Variants in ESR1 observed in about 807,000 individuals in gnomAD.
ESR1 encodes the protein estrogen receptor 1, also known as estrogen receptor.
In ESR1, 12 loss-of-function variants were observed where a neutral mutation model predicts 52.7. The observed-to-expected ratio is 0.23, with a 90% CI of 0.15 to 0.37. ESR1 has a LOEUF of 0.37. ESR1 is among the 10% of genes least tolerant of loss of function. The probability of loss-of-function intolerance (pLI) is 1.00; values close to 1 mark genes in which losing one functional copy is unlikely to be tolerated. For missense variants in ESR1, 584 were observed against 779.7 expected (o/e 0.75, Z 2.99); for synonymous variants, 305 against 316.8 (o/e 0.96, Z 0.39).
chr6:152,054,751 C>T (rs2046966180), intron 5 of ESR1, among the ~76,000 whole-genome samples: 1 of 152,174 alleles, frequency 6.6e-6, no homozygotes, highest in Non-Finnish European at 1.5e-5. Flanking sequence ...TTCTCTTCTC[C>T]CACCTCTTGG....
intron 3 of ESR1, among the ~76,000 whole-genome samples, chr6:151,930,363 C>A (rs1216911496): frequency 1.3e-5 from 2 of 152,124 alleles, no homozygotes; most frequent in Non-Finnish European, 2.9e-5. Flanking sequence ...TCTAAATACA[C>A]CTTCAAATAA....
chr6:151,695,527 C>G (rs1289984625), intron 1 of ESR1, among the ~76,000 whole-genome samples: 1 of 152,184 alleles, frequency 6.6e-6, no homozygotes, highest in African/African-American at 2.4e-5. Flanking sequence ...CAGCTCAGCT[C>G]CCCTAAACAT....
intron 4 of ESR1, among the ~76,000 whole-genome samples, chr6:151,969,022 G>A (rs745875694): frequency 6.6e-6 from 1 of 152,086 alleles, no homozygotes; most frequent in Non-Finnish European, 1.5e-5. Context: ...TCAGTTTTGA[G>A]TGGAGGGCAG....
chr6:151,863,553 T>C (rs1453421417), intron 2 of ESR1, among the ~76,000 whole-genome samples: 3 of 152,198 alleles, frequency 2.0e-5, no homozygotes, highest in Non-Finnish European at 4.4e-5. Flanking sequence ...GCTGAGACGA[T>C]GGAGTTTTCT....
At chr6:151,883,885 C>T (rs984794435) in intron 3 of ESR1, among the ~76,000 whole-genome samples, 5 of 152,164 alleles carry the variant, frequency 3.3e-5, no homozygotes, top group Admixed American at 6.5e-5. Flanking sequence ...CTTACGAAGA[C>T]ACCAGTCATA....
intron 2 of ESR1, among the ~76,000 whole-genome samples, chr6:151,855,303 T>C (rs1203502968): frequency 6.6e-6 from 1 of 152,216 alleles, no homozygotes; most frequent in Non-Finnish European, 1.5e-5. Flanking sequence ...GAGATGGTTT[T>C]TCTCTTTATT....
intron 1 of ESR1, among the ~76,000 whole-genome samples, chr6:151,834,185 A>C (rs1562456152): frequency 1.3e-5 from 2 of 152,318 alleles, no homozygotes; most frequent in East Asian, 3.9e-4. Context: ...TGGCCCAGCA[A>C]TCCCATTACT....
chr6:152,006,217 T>C (rs2042319907), intron 4 of ESR1, among the ~76,000 whole-genome samples: 1 of 152,080 alleles, frequency 6.6e-6, no homozygotes, highest in Non-Finnish European at 1.5e-5. Flanking sequence ...TTTCTAACAG[T>C]AGTACATATT....
rs760490348 is a variant in ESR1, at chr6:152,092,932, G to A, written c.1370-1453G>A. Among the ~76,000 whole-genome samples, 45 of 152,162 alleles carry A rather than the reference G, an allele frequency of 3.0e-4. 1 individual carries two copies. The highest frequency in any genetic ancestry group is 5.9e-4 in the Admixed American group (9 of 15,288). On this transcript the variant is annotated intron_variant, in intron 6 of 7. Coordinates refer to ENST00000206249, the MANE Select transcript of ESR1 (RefSeq NM_000125.4). ...AAGCAAAAAGGGGATTCACTGATAC[G>A]TGTGTTAGGAAGGATATATGAAAGC... is the stretch of plus-strand genomic sequence containing the variant.
intron 2 of ESR1, among the ~76,000 whole-genome samples, chr6:151,852,521 C>T (rs919923744): frequency 6.6e-5 from 10 of 152,004 alleles, no homozygotes; most frequent in African/African-American, 1.9e-4. Flanking sequence ...ATGCAGCTCT[C>T]TGGGAGCTTA....
intron 3 of ESR1, among the ~76,000 whole-genome samples, chr6:151,942,202 CT>C (rs1216840612): frequency 1.3e-5 from 2 of 152,188 alleles, no homozygotes; most frequent in Non-Finnish European, 2.9e-5. Flanking sequence ...TTGTTCTCAT[CT>C]TTTACTTTTA....
intron 2 of ESR1, among the ~76,000 whole-genome samples, chr6:151,731,398 TG>T (rs1166961087): frequency 2.6e-5 from 4 of 151,498 alleles, no homozygotes; most frequent in Non-Finnish European, 5.9e-5. Flanking sequence ...ATAAGTTTTT[TG>T]GGGGGTTTGC....
chr6:151,771,498 C>T (rs1024134829), intron 2 of ESR1, among the ~76,000 whole-genome samples: 2 of 152,142 alleles, frequency 1.3e-5, no homozygotes, highest in Non-Finnish European at 2.9e-5. Context: ...CATGTAGTTA[C>T]ACCTTTTGTT....
rs557526712 is a variant in ESR1 at position 151,770,920 on chromosome 6, A to G, written c.-70-36923A>G. On this transcript the variant is annotated intron_variant, in intron 2 of 2. Coordinates refer to the ESR1 transcript ENST00000404742. ...AACTAAAAGTGTTCAGATGGCAGAG[A>G]AAAAAGTTTGAAGAGGAGAGAAAGA... is the stretch of plus-strand genomic sequence containing the variant. 3.4e-4 allele frequency among the ~76,000 whole-genome samples: 51 copies of G among 152,210 alleles called. 1 individual carries two copies. Among genetic ancestry groups the G allele is most frequent in the Non-Finnish European group, 5.7e-4 (39 of 68,034 alleles).
upstream of ESR1, among the ~76,000 whole-genome samples, chr6:151,799,784 T>C (rs1465107222): frequency 3.3e-5 from 5 of 152,156 alleles, no homozygotes; most frequent in South Asian, 4.1e-4. Context: ...AAGGGAGACT[T>C]GAAGCATGAG....
chr6:151,802,489 T>C (rs890887251), upstream of ESR1, among the ~76,000 whole-genome samples: 2 of 152,230 alleles, frequency 1.3e-5, no homozygotes, highest in Non-Finnish European at 2.9e-5. Flanking sequence ...AATAATGTTT[T>C]TGTAAATGTA....
chr6:152,030,449 C>G (rs920693624), intron 5 of ESR1, among the ~76,000 whole-genome samples: 3 of 151,974 alleles, frequency 2.0e-5, no homozygotes, highest in African/African-American at 7.3e-5. Flanking sequence ...GAAAATCTAC[C>G]AAGCAAATGG....
chr6:151,904,492 A>AT (rs2128416343), intron 3 of ESR1, among the ~76,000 whole-genome samples: 1 of 152,202 alleles, frequency 6.6e-6, no homozygotes, highest in South Asian at 2.1e-4. Context: ...AAAAATATGC[A>AT]TTTTATGCCA....
intron 2 of ESR1, among the ~76,000 whole-genome samples, chr6:151,717,419 T>C (rs1781132526): frequency 2.0e-5 from 3 of 152,224 alleles, no homozygotes; most frequent in African/African-American, 7.2e-5. Flanking sequence ...GCATAGTTGG[T>C]TTATGGTTGT....
Sources: gnomAD v4.1 joint callset for allele counts (sites outside exome capture counted in the v4.1 genomes callset) on GRCh38, gnomAD v4.1.1 for gene constraint, MANE v1.5 for transcripts, NCBI Gene and HGNC (gene_info 2026-07-23, HGNC 2026-07-21) for gene names.